GOLGA4: variants seen among roughly 807,000 people sequenced by gnomAD.
GOLGA4 encodes the protein golgin A4.
In GOLGA4, 169 loss-of-function variants were observed where a neutral mutation model predicts 265.9. The ratio of observed to expected loss-of-function variants is 0.64; its 90% CI spans 0.56 to 0.72. The LOEUF is 0.72. GOLGA4 is among the 30% of genes least tolerant of loss of function. The pLI is 0.00. For missense variants in GOLGA4, 2,482 were observed against 2,483.4 expected (o/e 1.00, Z 0.01); for synonymous variants, 923 against 855.8 (o/e 1.08, Z -1.37).
intron 23 of GOLGA4, among the ~76,000 whole-genome samples, chr3:37,363,972 C>T (rs75284194): frequency 7.9e-5 from 12 of 152,258 alleles, no homozygotes; most frequent in African/African-American, 1.9e-4. Context: ...AAGGAATTTA[C>T]GTATAACAGA....
At chr3:37,245,008 A>G (rs2096715103) in intron 1 of GOLGA4, among the ~76,000 whole-genome samples, 1 of 152,222 alleles carries the variant, frequency 6.6e-6, no homozygotes, top group Non-Finnish European at 1.5e-5. Context: ...CCAGGATTCC[A>G]TTTCTAGAAA....
At chr3:37,262,044 C>G (rs1254255225) in intron 2 of GOLGA4, among the ~76,000 whole-genome samples, 3 of 152,108 alleles carry the variant, frequency 2.0e-5, no homozygotes, top group Non-Finnish European at 4.4e-5. Context: ...GACATATTTA[C>G]TCCAGATGAA....
At chr3:37,271,380 A>G (rs2096798222) in intron 2 of GOLGA4, among the ~76,000 whole-genome samples, 1 of 152,206 alleles carries the variant, frequency 6.6e-6, no homozygotes, top group Non-Finnish European at 1.5e-5. Flanking sequence ...TTCCCCATCT[A>G]ACTTTAAGGA....
At chr3:37,256,943 A>G (rs1425368705) in intron 2 of GOLGA4, among the ~76,000 whole-genome samples, 1 of 152,036 alleles carries the variant, frequency 6.6e-6, no homozygotes, top group African/African-American at 2.4e-5. Context: ...CATATAACAT[A>G]AATTAACCAT....
At chr3:37,346,793 GT>G (rs2097058034) in intron 20 of GOLGA4, among the ~76,000 whole-genome samples, 1 of 152,150 alleles carries the variant, frequency 6.6e-6, no homozygotes, top group Non-Finnish European at 1.5e-5. Context: ...AGTCTCCATT[GT>G]TTCACATCCT....
At position 37,257,953 on chromosome 3, in the gene GOLGA4, GTATATATGTATATAT is replaced by G; in HGVS notation, c.162+6470_162+6484del. ...TATATATACATACATATATATGTAT[GTATATATGTATATAT>G]ACATACATATATATATGTATGTATA... On this transcript the variant is annotated intron_variant, in intron 2 of 23. Coordinates refer to ENST00000361924, the MANE Select transcript of GOLGA4 (RefSeq NM_002078.5). Among the ~76,000 whole-genome samples the G allele has an allele frequency of 2.9e-4, 27 of 93,156 alleles. 7 individuals carry two copies. Among genetic ancestry groups the G allele is most frequent in the Admixed American group, 1.5e-3 (13 of 8,390 alleles). The allele number at this position is 93,156 out of a possible 152,430, so 61.1% of individuals were successfully genotyped here.
chr3:37,250,029 C>T (rs1235916490), intron 1 of GOLGA4: 1 of 152,222 alleles, frequency 6.6e-6, no homozygotes, highest in Non-Finnish European at 1.5e-5. Context: ...TGATGGAGCT[C>T]AGGTTACCCT....
rs1398944075 is a variant in GOLGA4 at position 37,339,461 on chromosome 3, T to C, written c.6397-663T>C. ...ATACAGTAATTCTATGTTTAACTTTTTGAGGAACTGCCAAACTTTTCTACA... is the reference window on the plus strand; with the variant it reads ...ATACAGTAATTCTATGTTTAACTTTCTGAGGAACTGCCAAACTTTTCTACA... On this transcript the variant is annotated intron_variant, in intron 19 of 23. Transcript: ENST00000361924. Among the ~76,000 whole-genome samples the C allele has an allele frequency of 3.3e-5, 5 of 152,176 alleles. No individual in the cohort carries two copies. In the South Asian group the frequency reaches 6.2e-4, roughly 19 times the overall value.
chr3:37,315,066 T>C (rs1249628525), intron 10 of GOLGA4, among the ~76,000 whole-genome samples: 3 of 152,216 alleles, frequency 2.0e-5, no homozygotes, highest in Non-Finnish European at 4.4e-5. Flanking sequence ...CAATTGAAAT[T>C]ATACAGTACA....
At position 37,251,484 on chromosome 3, in the gene GOLGA4, G is replaced by A. The variant is rs1365745608; in HGVS notation, c.162G>A (p.Glu54=). The part of the protein sequence containing the change: ...EQLDEGTPNR[E]SGDTQSFAQK... ...TTGATGAAGGTACACCCAATAGAGA[G>A]GTAAGTTTGGAATTCCTTTTCTAGT... The change falls in exon 2 of 24, where the codon GAG becomes GAA. Residue 54 remains glutamate, a splice_region_variant and synonymous_variant. Coordinates refer to ENST00000361924, the MANE Select transcript of GOLGA4 (RefSeq NM_002078.5). 1 of 1,573,948 alleles carries A rather than the reference G, an allele frequency of 6.4e-7. No homozygotes were observed. The highest frequency in any genetic ancestry group is 1.1e-5 in the South Asian group (1 of 90,096).
At chr3:37,337,120 G>GT (rs758059570) in intron 17 of GOLGA4, 23 bp from the exon 18 acceptor site, 47 of 1,367,882 alleles carry the variant, frequency 3.4e-5, no homozygotes, top group Non-Finnish European at 4.7e-5. Flanking sequence ...ATACACTCAT[G>GT]TTTTTTCTTT....
At chr3:37,365,351 C>T (rs531260108) in intron 23 of GOLGA4, among the ~76,000 whole-genome samples, 1 of 152,268 alleles carries the variant, frequency 6.6e-6, no homozygotes, top group African/African-American at 2.4e-5. Flanking sequence ...TTACTGCAAC[C>T]TCCGCCTCCT....
rs1311256924 is a variant in GOLGA4, at chr3:37,326,728, T to G, written c.4842T>G (p.Ser1614Arg). ...AAGAATTAGAACATGTGAATTTAAGTGTGAAAAGCAAAGAGGAGGAGTTAA... is the reference window on the plus strand; with the variant it reads ...AAGAATTAGAACATGTGAATTTAAGGGTGAAAAGCAAAGAGGAGGAGTTAA... ...KKKELEHVNL[S>R]VKSKEEELKA... The change falls in exon 14 of 24, where the codon AGT becomes AGG. Residue 1614 changes from serine to arginine, a missense_variant. This residue lies in a region of GOLGA4 where 942 missense variants were observed against 983.1 expected (regional missense o/e 0.96). Coordinates refer to ENST00000361924, the MANE Select transcript of GOLGA4 (RefSeq NM_002078.5). The G allele has an allele frequency of 6.2e-7, 1 of 1,613,358 alleles. No homozygotes were observed. Among genetic ancestry groups the G allele is most frequent in the African/African-American group, 1.3e-5 (1 of 74,848 alleles).
chr3:37,337,462 C>T (rs957939171), intron 18 of GOLGA4, among the ~76,000 whole-genome samples: 1 of 152,072 alleles, frequency 6.6e-6, no homozygotes, highest in African/African-American at 2.4e-5. Context: ...TCCCCTGCCT[C>T]GGCTTTCCAA....
chr3:37,284,117 A>G (rs1216695026), intron 3 of GOLGA4, among the ~76,000 whole-genome samples: 1 of 152,098 alleles, frequency 6.6e-6, no homozygotes, highest in Non-Finnish European at 1.5e-5. Context: ...AGGATGAAAT[A>G]ATGTTGTAAA....
chr3:37,309,616 A>G (rs1054767869), intron 10 of GOLGA4, among the ~76,000 whole-genome samples: 2 of 152,216 alleles, frequency 1.3e-5, no homozygotes, highest in Non-Finnish European at 2.9e-5. Context: ...AATCCATTAC[A>G]TGTTAGCATA....
At chr3:37,329,190 C>T (rs961368041) in intron 16 of GOLGA4, 97 bp downstream of exon 16, 30 of 1,006,138 alleles carry the variant, frequency 3.0e-5, no homozygotes, top group Admixed American at 8.8e-5. Flanking sequence ...GTTTTTTGAA[C>T]GAAAAGGGTT....
intron 2 of GOLGA4, among the ~76,000 whole-genome samples, chr3:37,279,578 GCT>G (rs2096829061): frequency 6.6e-6 from 1 of 152,062 alleles, no homozygotes; most frequent in South Asian, 2.1e-4. Context: ...CTTCTTTTCT[GCT>G]CTGTTATATG....
At chr3:37,265,300 G>T (rs1295455054) in intron 2 of GOLGA4, among the ~76,000 whole-genome samples, 1 of 152,104 alleles carries the variant, frequency 6.6e-6, no homozygotes, top group Non-Finnish European at 1.5e-5. Context: ...AAGCACAGAA[G>T]ATAATATATA....
Sources: allele counts gnomAD v4.1 joint callset (sites outside exome capture counted in the v4.1 genomes callset), GRCh38; gene constraint gnomAD v4.1.1; regional missense constraint gnomAD v4.1.1; transcripts MANE v1.5; gene names NCBI Gene and HGNC (gene_info 2026-07-23, HGNC 2026-07-21).